COG5: variants seen among roughly 807,000 people sequenced by gnomAD.
The protein encoded by COG5 is component of oligomeric golgi complex 5.
Under a neutral mutation model 110.4 loss-of-function variants are expected in COG5, and 86 were observed. The observed-to-expected ratio is 0.78, with a 90% CI of 0.65 to 0.93. The LOEUF is 0.93. Among genes scored for constraint, COG5 ranks in the 40% least tolerant of loss-of-function variants. COG5 has a pLI of 0.00. For missense variants in COG5, 1,077 were observed against 987.0 expected (o/e 1.09, Z -1.22); for synonymous variants, 360 against 334.6 (o/e 1.08, Z -0.83).
rs111708212 is a variant in COG5 at position 107,465,271 on chromosome 7, T to C, written c.539-52639A>G. Among the ~76,000 whole-genome samples, 1,447 of 152,278 alleles carry C rather than the reference T, an allele frequency of 9.5e-3. 19 individuals are homozygous for C. Among genetic ancestry groups the C allele is most frequent in the African/African-American group, 0.033 (1,375 of 41,554 alleles). On this transcript the variant is annotated intron_variant, in intron 6 of 21. Transcript: ENST00000297135. ...AGACTAATATATGAATTTAGTAAAG[T>C]TGCAGGATATGAGTTCAATATGATC...
intron 6 of COG5, among the ~76,000 whole-genome samples, chr7:107,526,287 G>A (rs1800733672): frequency 6.6e-6 from 1 of 152,146 alleles, no homozygotes; most frequent in Non-Finnish European, 1.5e-5. Flanking sequence ...GGTACCCAGT[G>A]AAAAGAAGAA....
intron 8 of COG5, among the ~76,000 whole-genome samples, chr7:107,371,452 TA>T (rs962005395): frequency 1.3e-5 from 2 of 151,768 alleles, no homozygotes; most frequent in African/African-American, 4.8e-5. Flanking sequence ...ATTAACAATC[TA>T]AAAAAAATTA....
At chr7:107,514,737 G>C (rs1022669681) in intron 6 of COG5, among the ~76,000 whole-genome samples, 1 of 152,162 alleles carries the variant, frequency 6.6e-6, no homozygotes, top group Non-Finnish European at 1.5e-5. Context: ...TCAGTGTCTG[G>C]AATAGCACAT....
intron 16 of COG5, among the ~76,000 whole-genome samples, chr7:107,256,284 T>C (rs749216119): frequency 2.0e-5 from 3 of 152,082 alleles, no homozygotes; most frequent in Admixed American, 2.0e-4. Context: ...GTGGGCATTG[T>C]CCTATGCATT....
chr7:107,400,223 G>A (rs1791324685), intron 7 of COG5, among the ~76,000 whole-genome samples: 1 of 151,874 alleles, frequency 6.6e-6, no homozygotes, highest in African/African-American at 2.4e-5. Flanking sequence ...AATAAAAGAG[G>A]AACAAATTAT....
chr7:107,410,001 C>A (rs1792163880), intron 7 of COG5, among the ~76,000 whole-genome samples: 1 of 152,168 alleles, frequency 6.6e-6, no homozygotes, highest in Admixed American at 6.5e-5. Flanking sequence ...AACAGTCTTA[C>A]AGTTGTCTGT....
chr7:107,303,152 A>C (rs1470134630), intron 11 of COG5, among the ~76,000 whole-genome samples: 1 of 151,964 alleles, frequency 6.6e-6, no homozygotes, highest in Non-Finnish European at 1.5e-5. Context: ...CTGGTCTCAA[A>C]TGATCCTCCC....
intron 6 of COG5, among the ~76,000 whole-genome samples, chr7:107,458,059 T>C (rs1197116552): frequency 6.6e-6 from 1 of 152,182 alleles, no homozygotes; most frequent in Non-Finnish European, 1.5e-5. Context: ...CACAGACTTC[T>C]CATCAGAAAC....
rs1404678253 is a variant in COG5 at position 107,201,555 on chromosome 7, T to G, written c.*1961A>C. On this transcript the variant is annotated 3_prime_UTR_variant, in exon 22 of 22. Transcript: ENST00000297135. ...GTGTGACCATAAGATACTGATAGCA[T>G]TGAGTCTTGAAATGATTTAATAATA... The G allele has an allele frequency of 1.9e-6, 1 of 538,306 alleles. No individual in the cohort carries two copies. The highest frequency in any genetic ancestry group is 3.4e-6 in the Non-Finnish European group (1 of 291,708). The allele number at this position is 538,306 out of a possible 1,614,324, so 33.3% of individuals were successfully genotyped here.
At chr7:107,558,173 TA>T in intron 1 of COG5, 58 bp from the exon 2 acceptor site, 3 of 1,525,832 alleles carry the variant, frequency 2.0e-6, no homozygotes, top group Non-Finnish European at 2.7e-6. Context: ...AACCAGTTAT[TA>T]AACAACAGAA....
At chr7:107,379,692 A>G (rs1814942043) in intron 7 of COG5, among the ~76,000 whole-genome samples, 1 of 152,152 alleles carries the variant, frequency 6.6e-6, no homozygotes, top group African/African-American at 2.4e-5. Flanking sequence ...GAAGCGCATT[A>G]CATAATGGTA....
chr7:107,508,496 C>A (rs1272656195), intron 6 of COG5, among the ~76,000 whole-genome samples: 2 of 152,224 alleles, frequency 1.3e-5, no homozygotes, highest in Non-Finnish European at 2.9e-5. Flanking sequence ...CCTCTGCAGA[C>A]TTAAAGGTCC....
At chr7:107,304,483 G>A (rs903222745) in intron 11 of COG5, among the ~76,000 whole-genome samples, 3 of 152,148 alleles carry the variant, frequency 2.0e-5, no homozygotes, top group Non-Finnish European at 4.4e-5. Context: ...CAAATGAATT[G>A]AAAGTAGAAT....
intron 6 of COG5, among the ~76,000 whole-genome samples, chr7:107,438,048 G>A (rs1794471385): frequency 1.3e-5 from 2 of 152,134 alleles, no homozygotes; most frequent in African/African-American, 4.8e-5. Flanking sequence ...CTGGAAACTA[G>A]ATTCAACGCC....
chr7:107,388,655 T>C (rs1790379443), intron 7 of COG5, among the ~76,000 whole-genome samples: 1 of 152,238 alleles, frequency 6.6e-6, no homozygotes, highest in Non-Finnish European at 1.5e-5. Flanking sequence ...AGCACTTTTC[T>C]AAAACCTCTC....
intron 10 of COG5, among the ~76,000 whole-genome samples, chr7:107,359,915 G>A (rs138031427): frequency 1.8e-4 from 27 of 152,276 alleles, no homozygotes; most frequent in African/African-American, 6.5e-4. Flanking sequence ...AAGGTGACCT[G>A]CCTGCAGAAG....
chr7:107,367,008 A>T (rs1049404265), intron 8 of COG5, among the ~76,000 whole-genome samples: 2 of 152,120 alleles, frequency 1.3e-5, no homozygotes, highest in African/African-American at 4.8e-5. Flanking sequence ...TTTGGTCATA[A>T]ATCTAAGCTA....
At chr7:107,410,111 T>G (rs1792171847) in intron 7 of COG5, among the ~76,000 whole-genome samples, 1 of 152,212 alleles carries the variant, frequency 6.6e-6, no homozygotes, top group Non-Finnish European at 1.5e-5. Context: ...AGATGGCATT[T>G]TGCTGTGCAG....
At chr7:107,442,515 G>A (rs1201302914) in intron 6 of COG5, among the ~76,000 whole-genome samples, 2 of 149,526 alleles carry the variant, frequency 1.3e-5, no homozygotes, top group African/African-American at 4.9e-5. Context: ...AAATACTTAT[G>A]CACTAAAGGT....
Sources: gnomAD v4.1 joint callset for allele counts (sites outside exome capture counted in the v4.1 genomes callset) on GRCh38, gnomAD v4.1.1 for gene constraint, MANE v1.5 for transcripts, NCBI Gene and HGNC (gene_info 2026-07-23, HGNC 2026-07-21) for gene names.